The following NDC1 variants were observed in gnomAD, a reference collection of about 807,000 sequenced individuals.
The protein encoded by NDC1 is nucleoporin NDC1.
NDC1 carries 24 observed loss-of-function variants against 89.8 expected under a neutral mutation model. That is an observed-to-expected ratio of 0.27 (90% CI 0.19 to 0.38). The LOEUF (loss-of-function observed/expected upper bound fraction) is 0.38. Ranked by LOEUF, NDC1 falls within the 10% of genes least tolerant of loss-of-function variation. NDC1 has a pLI of 1.00. For synonymous variants in NDC1, 296 were observed against 284.8 expected, an observed-to-expected ratio of 1.04 and a Z score of -0.39; for missense variants, 728 against 797.6, an observed-to-expected ratio of 0.91 and a Z score of 1.05.
intron 17 of NDC1, 139 bp from the exon 18 acceptor site, chr1:53,768,172 C>G: frequency 1.8e-6 from 1 of 548,738 alleles, no homozygotes; most frequent in Non-Finnish European, 3.0e-6. Context: ...TCTGAAAAAG[C>G]TGGATGAAAA....
chr1:53,792,409 C>T (rs1016691362), intron 14 of NDC1, among the ~76,000 whole-genome samples: 2 of 152,128 alleles, frequency 1.3e-5, no homozygotes, highest in African/African-American at 4.8e-5. Flanking sequence ...AGTGGAAAAG[C>T]AGTTTCAAGC....
intron 5 of NDC1, among the ~76,000 whole-genome samples, chr1:53,821,485 G>T (rs140460222): frequency 4.9e-4 from 75 of 152,244 alleles, no homozygotes; most frequent in Non-Finnish European, 9.7e-4. Context: ...TAAATACTTG[G>T]TCACTAATCA....
intron 5 of NDC1, among the ~76,000 whole-genome samples, chr1:53,822,212 T>C (rs1174194108): frequency 6.6e-6 from 1 of 152,188 alleles, no homozygotes; most frequent in Non-Finnish European, 1.5e-5. Flanking sequence ...CGCACGCCTA[T>C]AGTCCCAGCT....
Position 53,822,646 on chromosome 1 carries a change from G to A in NDC1, c.594+3152C>T, listed in dbSNP as rs189344800. Among the ~76,000 whole-genome samples the A allele has an allele frequency of 4.6e-3, 693 of 151,372 alleles. 6 individuals are homozygous for A. Among genetic ancestry groups the A allele is most frequent in the African/African-American group, 0.016 (658 of 41,260 alleles). On this transcript the variant is annotated intron_variant, in intron 5 of 17. Transcript: ENST00000371429. The stretch of plus-strand genomic sequence containing the variant: ...TTGAGACTGGCCATGGGATGGTCAA[G>A]GAAACATTCAATTTATCAATATGAT...
At chr1:53,817,920 C>T (rs1178681283) in intron 6 of NDC1, among the ~76,000 whole-genome samples, 2 of 152,056 alleles carry the variant, frequency 1.3e-5, no homozygotes, top group Non-Finnish European at 2.9e-5. Context: ...ATTCATGATA[C>T]TAAATAATAA....
chr1:53,825,723 A>C, intron 5 of NDC1, 75 bp downstream of exon 5: 1 of 1,180,170 alleles, frequency 8.5e-7, no homozygotes, highest in Non-Finnish European at 1.2e-6. Flanking sequence ...AGATAAATCC[A>C]GTTATATACA....
intron 6 of NDC1, among the ~76,000 whole-genome samples, 171 bp from the exon 7 acceptor site, chr1:53,809,917 T>G (rs1005581454): frequency 1.3e-5 from 2 of 152,210 alleles, no homozygotes; most frequent in African/African-American, 4.8e-5. Context: ...ACACAGGCAG[T>G]CTTTGCTTTG....
intron 14 of NDC1, among the ~76,000 whole-genome samples, chr1:53,790,984 T>C (rs75797157): frequency 0.012 from 1,821 of 152,266 alleles, 47 homozygotes; most frequent in African/African-American, 0.041. Context: ...ATTGGATTTA[T>C]TCCTTCTAAC....
rs144994713 is a variant in NDC1, at chr1:53,823,831, G to A, written c.594+1967C>T. Among the ~76,000 whole-genome samples the A allele has an allele frequency of 3.5e-4, 54 of 152,210 alleles. 1 individual carries two copies. Among genetic ancestry groups the A allele is most frequent in the East Asian group, 1.5e-3 (8 of 5,182 alleles). On this transcript the variant is annotated intron_variant, in intron 5 of 17. Coordinates refer to ENST00000371429, the MANE Select transcript of NDC1 (RefSeq NM_018087.5). Reference sequence around the variant, plus strand: ...TTTTCATACACTCAGATTGCAGGGAGGTGAGGGCCAGATCCTTTTCAGTGG... The same window carrying A: ...TTTTCATACACTCAGATTGCAGGGAAGTGAGGGCCAGATCCTTTTCAGTGG...
chr1:53,823,550 G>A (rs1270724748), intron 5 of NDC1, among the ~76,000 whole-genome samples: 1 of 152,168 alleles, frequency 6.6e-6, no homozygotes, highest in Admixed American at 6.5e-5. Context: ...GCATATCTGT[G>A]GTGTTAAATA....
chr1:53,805,712 C>T (rs555082904), intron 9 of NDC1, among the ~76,000 whole-genome samples: 2 of 152,118 alleles, frequency 1.3e-5, no homozygotes, highest in Non-Finnish European at 2.9e-5. Flanking sequence ...CATTTCTAAG[C>T]GCTATTTTTG....
intron 3 of NDC1, 68 bp downstream of exon 3, chr1:53,832,422 T>TAGTAC: frequency 1.3e-6 from 1 of 793,518 alleles, no homozygotes; most frequent in Non-Finnish European, 2.1e-6. Context: ...ACATATAAAA[T>TAGTAC]GTACTAAGTC....
chr1:53,825,871 G>C lies in NDC1; in HGVS notation c.521C>G (p.Ala174Gly), dbSNP rs1398508311. 1 of 1,611,394 alleles carries C rather than the reference G, an allele frequency of 6.2e-7. No homozygotes were observed. Among genetic ancestry groups the C allele is most frequent in the Non-Finnish European group, 8.5e-7 (1 of 1,178,952 alleles). Reference protein sequence around the residue: ...EYHLFFLLTGAFMGYSYSLLY... With the variant: ...EYHLFFLLTGGFMGYSYSLLY... ...GAGGCTATAGCTATAGCCCATAAAT[G>C]CTCCAGTCAGTAGGAAAAAAAGATG... is the stretch of plus-strand genomic sequence containing the variant. The change falls in exon 5 of 18, where the codon GCA (alanine) becomes GGA (glycine). Residue 174 changes from alanine (A) to glycine (G), a missense_variant. Ala to Gly is a moderately conservative substitution (Grantham distance 60). Coordinates refer to ENST00000371429, the MANE Select transcript of NDC1 (RefSeq NM_018087.5).
At chr1:53,834,855 C>G (rs934359647) in intron 2 of NDC1, among the ~76,000 whole-genome samples, 6 of 152,180 alleles carry the variant, frequency 3.9e-5, no homozygotes, top group Non-Finnish European at 7.3e-5. Flanking sequence ...CACCTGTAAT[C>G]CCAGCACTTC....
At chr1:53,832,916 G>A (rs1214425977) in intron 2 of NDC1, among the ~76,000 whole-genome samples, 2 of 152,108 alleles carry the variant, frequency 1.3e-5, no homozygotes, top group Non-Finnish European at 2.9e-5. Flanking sequence ...GGAGGCTGAA[G>A]TGGGAAGATC....
chr1:53,789,635 T>C (rs953105982), intron 14 of NDC1, among the ~76,000 whole-genome samples: 4 of 151,478 alleles, frequency 2.6e-5, no homozygotes, highest in Non-Finnish European at 5.9e-5. Context: ...CTGTCTCTAC[T>C]AAAAATACAA....
At position 53,770,847 on chromosome 1, in the gene NDC1, G is replaced by A. The variant is rs75732411; in HGVS notation, c.1961+1482C>T. Among the ~76,000 whole-genome samples the A allele has an allele frequency of 3.4e-3, 508 of 151,570 alleles. 18 individuals carry two copies. The East Asian group carries it at 0.075, about 22-fold the overall frequency. The stretch of plus-strand genomic sequence containing the variant: ...TTTTTGTATTTTTGGTAGAGACGGG[G>A]TTTCACCATGTTGGCCGGGCTGATC... On this transcript the variant is annotated intron_variant, in intron 17 of 17. Transcript: ENST00000371429.
At chr1:53,794,830 C>T (rs1647643246) in intron 13 of NDC1, among the ~76,000 whole-genome samples, 1 of 152,134 alleles carries the variant, frequency 6.6e-6, no homozygotes, top group African/African-American at 2.4e-5. Context: ...TAGCCATGAT[C>T]ATACCACTGC....
chr1:53,769,308 G>T (rs1647092433), intron 17 of NDC1, among the ~76,000 whole-genome samples: 1 of 152,188 alleles, frequency 6.6e-6, no homozygotes, highest in Non-Finnish European at 1.5e-5. Flanking sequence ...CACATATGTA[G>T]GATGAACAAG....
Sources: allele counts gnomAD v4.1 joint callset (sites outside exome capture counted in the v4.1 genomes callset), GRCh38; gene constraint gnomAD v4.1.1; transcripts MANE v1.5; gene names NCBI Gene and HGNC (gene_info 2026-07-23, HGNC 2026-07-21).